Variants in OPCML observed in about 807,000 individuals in gnomAD.
The protein encoded by OPCML is opioid-binding protein/cell adhesion molecule.
A neutral mutation model predicts 37.8 loss-of-function variants in OPCML; 13 were observed. That is an observed-to-expected ratio of 0.34 (90% confidence interval 0.22 to 0.55). The LOEUF (loss-of-function observed/expected upper bound fraction) is 0.55, where lower values mean the gene tolerates loss of function less well. Ranked by LOEUF, OPCML falls within the 20% of genes least tolerant of loss-of-function variation. OPCML has a pLI of 0.91. For synonymous variants in OPCML, 176 were observed against 168.8 expected, an observed-to-expected ratio of 1.04 and a Z score of -0.33; for missense variants, 341 against 435.6, an observed-to-expected ratio of 0.78 and a Z score of 1.93.
At chr11:133,038,119 C>A (rs1333586358) in intron 1 of OPCML, among the ~76,000 whole-genome samples, 1 of 152,254 alleles carries the variant, frequency 6.6e-6, no homozygotes, top group Admixed American at 6.5e-5. Context: ...TCTCTTTCTG[C>A]CTGCAAGGCT....
intron 2 of OPCML, among the ~76,000 whole-genome samples, chr11:132,799,837 C>T (rs1002454920): frequency 2.0e-5 from 3 of 152,094 alleles, no homozygotes; most frequent in Non-Finnish European, 2.9e-5. Flanking sequence ...TACAATATTG[C>T]ATTAAGTTTT....
intron 3 of OPCML, among the ~76,000 whole-genome samples, chr11:132,536,730 A>G (rs1319728336): frequency 1.3e-5 from 2 of 152,234 alleles, no homozygotes; most frequent in African/African-American, 4.8e-5. Context: ...TTCTTAAACC[A>G]GAAGCAAATT....
At chr11:133,405,542 T>C (rs902097250) in intron 1 of OPCML, among the ~76,000 whole-genome samples, 5 of 152,198 alleles carry the variant, frequency 3.3e-5, no homozygotes, top group African/African-American at 1.2e-4. Context: ...TACCCTCGGA[T>C]AGAAGACCCA....
intron 1 of OPCML, among the ~76,000 whole-genome samples, chr11:132,975,855 C>T (rs1946451219): frequency 6.6e-6 from 1 of 152,110 alleles, no homozygotes; most frequent in East Asian, 1.9e-4. Flanking sequence ...ACTGCAACCT[C>T]CACCTCCCGG....
intron 1 of OPCML, among the ~76,000 whole-genome samples, chr11:133,020,690 C>T (rs138152935): frequency 6.6e-6 from 1 of 152,124 alleles, no homozygotes; most frequent in Non-Finnish European, 1.5e-5. Context: ...CAAGTCAGTT[C>T]TTGGCTGATA....
chr11:133,252,586 G>T (rs1021927250), intron 1 of OPCML, among the ~76,000 whole-genome samples: 2 of 151,980 alleles, frequency 1.3e-5, no homozygotes, highest in African/African-American at 2.4e-5. Context: ...TCTCCCGAAG[G>T]GTTTTCAATT....
chr11:133,160,807 G>A (rs1950131118), intron 1 of OPCML, among the ~76,000 whole-genome samples: 1 of 152,206 alleles, frequency 6.6e-6, no homozygotes, highest in African/African-American at 2.4e-5. Flanking sequence ...GACCATTAGA[G>A]CTAGACATTG....
chr11:132,550,625 G>A (rs559142578), intron 3 of OPCML, among the ~76,000 whole-genome samples: 1 of 152,298 alleles, frequency 6.6e-6, no homozygotes, highest in South Asian at 2.1e-4. Flanking sequence ...AGCAACACAA[G>A]AATGGCCTAA....
chr11:132,735,425 A>C (rs1295624646), intron 2 of OPCML, among the ~76,000 whole-genome samples: 3 of 152,172 alleles, frequency 2.0e-5, no homozygotes, highest in African/African-American at 7.2e-5. Flanking sequence ...TTTTTCTTCT[A>C]ATAAAATGAA....
In OPCML at chr11:133,246,818, T is replaced by C. The variant is rs566657822; in HGVS notation, c.61+285446A>G. On this transcript the variant is annotated intron_variant, in intron 1 of 7. Transcript: ENST00000524381. ...CTATTTTCCAAGCAAGAAATTGTAATGATAGTACCAGTGGGAATGGTCAGT... is the reference window on the plus strand; with the variant it reads ...CTATTTTCCAAGCAAGAAATTGTAACGATAGTACCAGTGGGAATGGTCAGT... Among the ~76,000 whole-genome samples, 6 of 152,344 alleles carry C rather than the reference T, an allele frequency of 3.9e-5. No individual in the cohort carries two copies. The South Asian group carries it at 6.2e-4, about 16-fold the overall frequency.
rs7110713 is a variant in OPCML at position 133,319,992 on chromosome 11, G to A, written c.61+212272C>T. On this transcript the variant is annotated intron_variant, in intron 1 of 7. Coordinates refer to ENST00000524381, the MANE Select transcript of OPCML (RefSeq NM_001012393.5). ...TTCAAAGTTTTCCAGGAAATGCATTGTAGAAACTGGATCTGACTCTGCTTC... is the reference window on the plus strand; with the variant it reads ...TTCAAAGTTTTCCAGGAAATGCATTATAGAAACTGGATCTGACTCTGCTTC... Among the ~76,000 whole-genome samples, 774 of 152,338 alleles carry A rather than the reference G, an allele frequency of 5.1e-3. 4 individuals carry two copies. Among genetic ancestry groups the A allele is most frequent in the African/African-American group, 0.017 (708 of 41,572 alleles).
intron 4 of OPCML, among the ~76,000 whole-genome samples, chr11:132,470,331 T>G (rs1394275713): frequency 6.6e-6 from 1 of 152,048 alleles, no homozygotes; most frequent in Non-Finnish European, 1.5e-5. Context: ...GATCAGCTAT[T>G]CAAAATGAAG....
chr11:132,939,322 A>C (rs1945495982), intron 2 of OPCML, among the ~76,000 whole-genome samples: 1 of 152,208 alleles, frequency 6.6e-6, no homozygotes, highest in Non-Finnish European at 1.5e-5. Flanking sequence ...ATTCCTTGGC[A>C]GTAGTTAAAC....
intron 3 of OPCML, among the ~76,000 whole-genome samples, chr11:132,572,929 G>T (rs773402549): frequency 2.6e-5 from 4 of 151,580 alleles, no homozygotes; most frequent in Non-Finnish European, 4.4e-5. Context: ...TTCATTTATC[G>T]ATCTTTTGTA....
At chr11:132,706,200 G>A (rs920272789) in intron 2 of OPCML, among the ~76,000 whole-genome samples, 3 of 152,102 alleles carry the variant, frequency 2.0e-5, no homozygotes, top group Non-Finnish European at 2.9e-5. Flanking sequence ...CAATCACTAC[G>A]ATGCCTATCC....
intron 2 of OPCML, among the ~76,000 whole-genome samples, chr11:132,750,075 G>T (rs1044011862): frequency 6.6e-6 from 1 of 152,124 alleles, no homozygotes; most frequent in Non-Finnish European, 1.5e-5. Flanking sequence ...TAAAGACGGG[G>T]TTTTGCCCCA....
intron 1 of OPCML, chr11:133,298,483 A>T (rs930950646): frequency 1.3e-5 from 2 of 152,160 alleles, no homozygotes; most frequent in Admixed American, 1.3e-4. Context: ...TTCATTTTTT[A>T]AAAAATTCTA....
chr11:132,948,331 T>C (rs2136691214), intron 1 of OPCML, among the ~76,000 whole-genome samples: 1 of 152,262 alleles, frequency 6.6e-6, no homozygotes, highest in Admixed American at 6.5e-5. Flanking sequence ...GTGATTTCCA[T>C]GGGAATAAAT....
intron 1 of OPCML, among the ~76,000 whole-genome samples, chr11:133,257,275 G>A (rs1260732927): frequency 6.6e-6 from 1 of 152,142 alleles, no homozygotes; most frequent in South Asian, 2.1e-4. Flanking sequence ...TGCAAGAAAA[G>A]GTTATTCCTG....
Sources: gnomAD v4.1 joint callset for allele counts (sites outside exome capture counted in the v4.1 genomes callset) on GRCh38, gnomAD v4.1.1 for gene constraint, MANE v1.5 for transcripts, NCBI Gene and HGNC (gene_info 2026-07-23, HGNC 2026-07-21) for gene names.